Variants in PDE4D observed in about 807,000 individuals in gnomAD.
PDE4D encodes 3',5'-cyclic-AMP phosphodiesterase 4D.
PDE4D carries 24 observed loss-of-function variants against 87.4 expected under a neutral mutation model. The ratio of observed to expected loss-of-function variants is 0.27; its 90% CI spans 0.20 to 0.39. PDE4D has a LOEUF of 0.39. Ranked by LOEUF, PDE4D falls within the 10% of genes least tolerant of loss-of-function variation. The pLI, the probability that PDE4D is intolerant of heterozygous loss-of-function variation, is 1.00. For synonymous variants in PDE4D, 384 were observed against 383.2 expected (o/e 1.00, Z -0.02); for missense variants, 714 against 1,041.0 (o/e 0.69, Z 4.32).
chr5:59,114,053 A>G (rs187147798), intron 5 of PDE4D, among the ~76,000 whole-genome samples: 1 of 152,336 alleles, frequency 6.6e-6, no homozygotes, highest in East Asian at 1.9e-4. Context: ...TTAAGAAAAA[A>G]GCAACAAGAG....
intron 1 of PDE4D, among the ~76,000 whole-genome samples, chr5:59,259,942 A>T (rs1284730024): frequency 2.0e-5 from 3 of 151,840 alleles, no homozygotes; most frequent in African/African-American, 7.2e-5. Context: ...AACTGTGAGG[A>T]TTATGACCAA....
chr5:59,989,109 TATATATACAC>T (rs781455057), intron 2 of PDE4D, among the ~76,000 whole-genome samples: 1 of 96,596 alleles, frequency 1.0e-5, no homozygotes, highest in Admixed American at 1.1e-4. Flanking sequence ...TATATATATA[TATATATACAC>T]ACACACACAT....
intron 2 of PDE4D, among the ~76,000 whole-genome samples, chr5:60,154,736 AG>A (rs1481726805): frequency 2.0e-5 from 3 of 152,248 alleles, no homozygotes; most frequent in African/African-American, 7.2e-5. Flanking sequence ...TCTAGGCAGT[AG>A]CTCTCCTACT....
intron 2 of PDE4D, among the ~76,000 whole-genome samples, chr5:60,103,751 A>T (rs1298340733): frequency 1.3e-5 from 2 of 152,222 alleles, no homozygotes; most frequent in Non-Finnish European, 2.9e-5. Context: ...ACTCTCACTA[A>T]ATTAAAAGAA....
intron 2 of PDE4D, among the ~76,000 whole-genome samples, chr5:60,023,840 T>C (rs1407704363): frequency 6.6e-6 from 1 of 152,166 alleles, no homozygotes; most frequent in East Asian, 1.9e-4. Flanking sequence ...GGGAAGCAAG[T>C]GTCACTAACA....
chr5:59,244,680 C>CTCTG (rs1758452001), intron 1 of PDE4D, among the ~76,000 whole-genome samples: 1 of 120,054 alleles, frequency 8.3e-6, no homozygotes, highest in Admixed American at 8.8e-5. Context: ...GTGTGTGTGT[C>CTCTG]TGTGTGTGTG....
intron 2 of PDE4D, among the ~76,000 whole-genome samples, chr5:60,141,782 A>G (rs1780559155): frequency 6.6e-6 from 1 of 152,200 alleles, no homozygotes; most frequent in Non-Finnish European, 1.5e-5. Context: ...TGATAAGCTG[A>G]AACAATATAT....
chr5:59,566,120 G>T (rs1820838008), intron 1 of PDE4D, among the ~76,000 whole-genome samples: 1 of 152,204 alleles, frequency 6.6e-6, no homozygotes, highest in African/African-American at 2.4e-5. Context: ...TTAGAAGACT[G>T]AATGGGTAAC....
chr5:59,404,645 A>C (rs1015103565), intron 1 of PDE4D, among the ~76,000 whole-genome samples: 1 of 143,026 alleles, frequency 7.0e-6, no homozygotes, highest in Non-Finnish European at 1.5e-5. Flanking sequence ...CAGTCTGGGC[A>C]ACAGAGTGAG....
chr5:59,223,170 AGT>A (rs1752936255), intron 1 of PDE4D, among the ~76,000 whole-genome samples: 1 of 152,154 alleles, frequency 6.6e-6, no homozygotes, highest in African/African-American at 2.4e-5. Context: ...CCATAATTCC[AGT>A]GTGATAACAT....
At chr5:59,244,560 G>A (rs166261) in intron 1 of PDE4D, among the ~76,000 whole-genome samples, 9,714 of 148,614 alleles carry the variant, frequency 0.065, 362 homozygotes, top group Non-Finnish European at 0.09. Context: ...ATATGTATAC[G>A]TGTACACACA....
At chr5:60,473,574 C>T (rs939764093) in intron 1 of PDE4D, among the ~76,000 whole-genome samples, 14 of 152,134 alleles carry the variant, frequency 9.2e-5, no homozygotes, top group African/African-American at 3.4e-4. Context: ...GCAACTTCCT[C>T]TAAATTAAAA....
intron 1 of PDE4D, among the ~76,000 whole-genome samples, chr5:59,480,139 T>C (rs1803995806): frequency 6.6e-6 from 1 of 151,990 alleles, no homozygotes; most frequent in South Asian, 2.1e-4. Context: ...TTTCAATAAC[T>C]TCATTAAAGA....
intron 1 of PDE4D, among the ~76,000 whole-genome samples, chr5:59,244,807 G>C (rs1758524799): frequency 6.7e-6 from 1 of 150,312 alleles, no homozygotes; most frequent in Non-Finnish European, 1.5e-5. Context: ...ATATGTGTGT[G>C]TGTGAGCATG....
intron 1 of PDE4D, among the ~76,000 whole-genome samples, chr5:59,505,813 C>T (rs1809154776): frequency 6.6e-6 from 1 of 152,032 alleles, no homozygotes; most frequent in Non-Finnish European, 1.5e-5. Context: ...TCTAATAGGC[C>T]TTTATAGCTG....
intron 2 of PDE4D, among the ~76,000 whole-genome samples, chr5:60,053,107 A>G (rs1043007656): frequency 2.0e-5 from 3 of 152,218 alleles, no homozygotes; most frequent in African/African-American, 7.2e-5. Context: ...GAAAATGCCC[A>G]TACTACCCAA....
chr5:58,977,731 T>C (rs1191232989), intron 11 of PDE4D, among the ~76,000 whole-genome samples: 1 of 152,166 alleles, frequency 6.6e-6, no homozygotes, highest in Non-Finnish European at 1.5e-5. Flanking sequence ...GTGAATTACC[T>C]ACCCTGCACT....
At chr5:59,814,435 G>C (rs80053318) in intron 1 of PDE4D, among the ~76,000 whole-genome samples, 6,341 of 152,242 alleles carry the variant, frequency 0.042, 203 homozygotes, top group South Asian at 0.065. Context: ...ACTTCGATAT[G>C]TGTCCAGCCA....
chr5:60,494,571 C>A (rs555841589), intron 1 of PDE4D, among the ~76,000 whole-genome samples: 72 of 152,300 alleles, frequency 4.7e-4, no homozygotes, highest in African/African-American at 1.7e-3. Flanking sequence ...CACTTCTACC[C>A]CCAGAATAGT....
Sources: gnomAD v4.1 joint callset for allele counts (sites outside exome capture counted in the v4.1 genomes callset) on GRCh38, gnomAD v4.1.1 for gene constraint, MANE v1.5 for transcripts, NCBI Gene and HGNC (gene_info 2026-07-23, HGNC 2026-07-21) for gene names.